GNAT3: variants seen among roughly 807,000 people sequenced by gnomAD.
The protein encoded by GNAT3 is guanine nucleotide-binding protein G(t) subunit alpha-3.
GNAT3 carries 31 observed loss-of-function variants against 37.7 expected under a neutral mutation model. The ratio of observed to expected loss-of-function variants is 0.82; its 90% CI spans 0.62 to 1.11. The LOEUF is 1.11. GNAT3 is among the 50% of genes most tolerant of loss of function. The pLI, the probability that GNAT3 is intolerant of heterozygous loss-of-function variation, is 0.00. For missense variants in GNAT3, 437 were observed against 412.5 expected (o/e 1.06, Z -0.51); for synonymous variants, 138 against 139.8 (o/e 0.99, Z 0.09).
chr7:80,507,196 G>T (rs950866895), intron 1 of GNAT3, among the ~76,000 whole-genome samples: 2 of 151,800 alleles, frequency 1.3e-5, no homozygotes, highest in Admixed American at 6.6e-5. Flanking sequence ...CCATGGACAG[G>T]CATGGACTAT....
rs780953752 is a variant in GNAT3, at chr7:80,474,256, G to C, written c.585C>G (p.His195Gln). ...GAAAAGATATTTGATCATACCTGAA[G>C]TGCAAGTCTTTAAAGGAGAATTGAG... ...IETQFSFKDL[H>Q]FRMFDVGGQR... The change falls in exon 5 of 8, where the codon CAC becomes CAG. Residue 195 changes from histidine to glutamine, a missense_variant. His to Gln is a conservative substitution (Grantham distance 24). Transcript: ENST00000398291. The C allele has an allele frequency of 1.2e-6, 2 of 1,604,082 alleles. No individual in the cohort carries two copies. The highest frequency in any genetic ancestry group is 1.7e-6 in the Non-Finnish European group (2 of 1,174,430).
chr7:80,477,663 G>C (rs912413747), intron 4 of GNAT3, among the ~76,000 whole-genome samples: 1 of 151,972 alleles, frequency 6.6e-6, no homozygotes, highest in African/African-American at 2.4e-5. Context: ...TCATTGTTCT[G>C]TCCTTAACCG....
At chr7:80,474,517 G>A (rs1403517987) in intron 4 of GNAT3, 138 bp from the exon 5 acceptor site, 1 of 374,910 alleles carries the variant, frequency 2.7e-6, no homozygotes, top group South Asian at 7.2e-5. Context: ...GAAGAAACCA[G>A]GATTCAGTAG....
chr7:80,464,746 A>T (rs1193577420), intron 5 of GNAT3, among the ~76,000 whole-genome samples: 1 of 152,122 alleles, frequency 6.6e-6, no homozygotes, highest in Non-Finnish European at 1.5e-5. Context: ...TATTGAAAAT[A>T]ATCAAAAGTA....
At position 80,458,642 on chromosome 7, in the gene GNAT3, T is replaced by A; in HGVS notation, c.*29A>T. Reference sequence around the variant, plus strand: ...TCTTTTATATTTTGAAAAGCATACATGAGCAAGAGTGGAAGAGAAAATAGT... The same window carrying A: ...TCTTTTATATTTTGAAAAGCATACAAGAGCAAGAGTGGAAGAGAAAATAGT... On this transcript the variant is annotated 3_prime_UTR_variant, in exon 8 of 8. Coordinates refer to ENST00000398291, the MANE Select transcript of GNAT3 (RefSeq NM_001102386.3). 1 of 1,321,274 alleles carries A rather than the reference T, an allele frequency of 7.6e-7. No individual in the cohort carries two copies. Among genetic ancestry groups the A allele is most frequent in the Non-Finnish European group, 1.0e-6 (1 of 967,368 alleles). The allele number at this position is 1,321,274 out of a possible 1,614,324, so 81.8% of individuals were successfully genotyped here. A position where few individuals can be genotyped will look rare whatever the true frequency, so the allele number is the denominator to read the frequency against.
intron 1 of GNAT3, among the ~76,000 whole-genome samples, chr7:80,496,018 G>A (rs1790710121): frequency 6.6e-6 from 1 of 152,060 alleles, no homozygotes; most frequent in African/African-American, 2.4e-5. Context: ...TTACTCTGTT[G>A]ATTATTTCTT....
Position 80,458,813 on chromosome 7 carries a change from A to G in GNAT3, c.923T>C (p.Leu308Pro). 1 of 1,595,962 alleles carries G rather than the reference A, an allele frequency of 6.3e-7. No individual in the cohort carries two copies. Among genetic ancestry groups the G allele is most frequent in the Non-Finnish European group, 8.5e-7 (1 of 1,171,866 alleles). The change falls in exon 8 of 8, where the codon CTA (leucine) becomes CCA (proline). Residue 308 changes from leucine (L) to proline (P), a missense_variant. Physicochemically the swap from Leu to Pro is moderately conservative, Grantham distance 98 (BLOSUM62 -3). Coordinates refer to ENST00000398291, the MANE Select transcript of GNAT3 (RefSeq NM_001102386.3). ...DAGNYIKNQF[L>P]DLNLKKEDKE... Reference sequence around the variant, plus strand: ...ATCTTCTTTTTTTAAATTCAGGTCTAGAAACTGGTTCTTGATGTAGTTTCC... The same window carrying G: ...ATCTTCTTTTTTTAAATTCAGGTCTGGAAACTGGTTCTTGATGTAGTTTCC...
intron 1 of GNAT3, among the ~76,000 whole-genome samples, chr7:80,501,018 G>T (rs1011327619): frequency 2.6e-5 from 4 of 151,770 alleles, no homozygotes; most frequent in African/African-American, 9.7e-5. Flanking sequence ...AAATTTTGTT[G>T]TCAAAGTTGT....
At chr7:80,460,084 T>G (rs1790024334) in intron 7 of GNAT3, among the ~76,000 whole-genome samples, 1 of 152,226 alleles carries the variant, frequency 6.6e-6, no homozygotes, top group Admixed American at 6.5e-5. Flanking sequence ...CAAGATGTCC[T>G]TCTGTAGCTG....
At chr7:80,479,965 T>A (rs891745079) in intron 3 of GNAT3, among the ~76,000 whole-genome samples, 1 of 152,096 alleles carries the variant, frequency 6.6e-6, no homozygotes, top group Non-Finnish European at 1.5e-5. Context: ...AAGGAATTAT[T>A]GTCTTAGTCC....
chr7:80,475,853 T>C (rs1026112987), intron 4 of GNAT3, among the ~76,000 whole-genome samples: 2 of 152,100 alleles, frequency 1.3e-5, no homozygotes, highest in African/African-American at 4.8e-5. Context: ...ACATAACATA[T>C]ATAATATGAA....
At chr7:80,504,135 C>G (rs1450231998) in intron 1 of GNAT3, among the ~76,000 whole-genome samples, 2 of 152,008 alleles carry the variant, frequency 1.3e-5, no homozygotes, top group Non-Finnish European at 2.9e-5. Flanking sequence ...GGGCAACATG[C>G]TGAAACTCTG....
intron 1 of GNAT3, among the ~76,000 whole-genome samples, chr7:80,501,299 T>G (rs939508221): frequency 3.3e-5 from 5 of 152,056 alleles, no homozygotes; most frequent in Non-Finnish European, 7.4e-5. Context: ...ATTTGTCCTG[T>G]TTGCTTTCTT....
At chr7:80,504,175 G>A (rs753563524) in intron 1 of GNAT3, among the ~76,000 whole-genome samples, 4 of 152,102 alleles carry the variant, frequency 2.6e-5, no homozygotes, top group Non-Finnish European at 5.9e-5. Context: ...AATTAGCCAG[G>A]TGTGGTGGCA....
At chr7:80,508,178 G>C (rs896735516) in intron 1 of GNAT3, among the ~76,000 whole-genome samples, 3 of 151,790 alleles carry the variant, frequency 2.0e-5, no homozygotes, top group Admixed American at 2.0e-4. Flanking sequence ...ATGTGGCAGA[G>C]GGTGTTTTGA....
chr7:80,459,232 C>T lies in GNAT3; in HGVS notation c.875-371G>A, dbSNP rs552116831. Among the ~76,000 whole-genome samples, 4 of 152,074 alleles carry T rather than the reference C, an allele frequency of 2.6e-5. No homozygotes were observed. The East Asian group carries it at 7.7e-4, about 29-fold the overall frequency. ...ATGGAAAAGGTAGATGACTAAGGCA[C>T]AGAAGGAGATGGTATTTGAGCTGGA... On this transcript the variant is annotated intron_variant, in intron 7 of 7. Transcript: ENST00000398291.
At chr7:80,471,817 C>T (rs1200330704) in intron 5 of GNAT3, among the ~76,000 whole-genome samples, 1 of 152,010 alleles carries the variant, frequency 6.6e-6, no homozygotes, top group Non-Finnish European at 1.5e-5. Flanking sequence ...GTATAGCCTC[C>T]AGTTTTTGAG....
intron 3 of GNAT3, among the ~76,000 whole-genome samples, chr7:80,482,029 C>T (rs1790399251): frequency 6.6e-6 from 1 of 152,120 alleles, no homozygotes; most frequent in Admixed American, 6.6e-5. Flanking sequence ...TGTATAAAAT[C>T]AGGCAATAAC....
intron 3 of GNAT3, among the ~76,000 whole-genome samples, chr7:80,483,437 G>C (rs1403380606): frequency 6.6e-6 from 1 of 151,868 alleles, no homozygotes; most frequent in Non-Finnish European, 1.5e-5. Context: ...AAAATGTATA[G>C]GTATTATGAA....
Sources: allele counts gnomAD v4.1 joint callset (sites outside exome capture counted in the v4.1 genomes callset), GRCh38; gene constraint gnomAD v4.1.1; transcripts MANE v1.5; gene names NCBI Gene and HGNC (gene_info 2026-07-23, HGNC 2026-07-21).